The following OSBPL6 variants were observed in gnomAD, a reference collection of about 807,000 sequenced individuals.
OSBPL6 encodes the protein oxysterol-binding protein-related protein 6.
A neutral mutation model predicts 125.8 loss-of-function variants in OSBPL6; 49 were observed. The observed-to-expected ratio is 0.39, with a 90% confidence interval of 0.31 to 0.49. The LOEUF is 0.49. OSBPL6 is among the 20% of genes least tolerant of loss of function. OSBPL6 has a pLI of 0.88. For missense variants in OSBPL6, 986 were observed against 1,135.4 expected, an observed-to-expected ratio of 0.87 and a Z score of 1.89; for synonymous variants, 394 against 391.8, an observed-to-expected ratio of 1.01 and a Z score of -0.07.
chr2:178,315,304 A>G (rs942059965), intron 3 of OSBPL6, among the ~76,000 whole-genome samples: 1 of 152,182 alleles, frequency 6.6e-6, no homozygotes, highest in Non-Finnish European at 1.5e-5. Flanking sequence ...GTACATGTTC[A>G]GTCCATGTCA....
rs1466756606 is a variant in OSBPL6 at position 178,402,508 on chromosome 2, G to A, written c.*6949G>A. 1 of 152,126 alleles carries A rather than the reference G, an allele frequency of 6.6e-6. No individual in the cohort carries two copies. Among genetic ancestry groups the A allele is most frequent in the African/African-American group, 2.4e-5 (1 of 41,410 alleles). The allele number at this position is 152,126 out of a possible 1,614,324, so 9.4% of individuals were successfully genotyped here. A position where few individuals can be genotyped will look rare whatever the true frequency, so the allele number is the denominator to read the frequency against. ...ACACTCTTGATCACCTACTTAACAA[G>A]AAGGTCTAGCAGGACATTCTTGATC... is the stretch of plus-strand genomic sequence containing the variant. On this transcript the variant is annotated 3_prime_UTR_variant, in exon 25 of 25. Coordinates refer to ENST00000190611, the MANE Select transcript of OSBPL6 (RefSeq NM_032523.4).
intron 1 of OSBPL6, among the ~76,000 whole-genome samples, chr2:178,248,222 T>G (rs776734834): frequency 2.6e-5 from 4 of 152,256 alleles, no homozygotes; most frequent in Non-Finnish European, 4.4e-5. Context: ...AGTCCCATCT[T>G]ATGAAGTTTA....
chr2:178,210,888 C>T (rs1428119320), intron 1 of OSBPL6, among the ~76,000 whole-genome samples: 1 of 151,544 alleles, frequency 6.6e-6, no homozygotes, highest in Non-Finnish European at 1.5e-5. Context: ...GGGACAAGGA[C>T]AGGGGTAGAG....
chr2:178,268,867 G>A (rs1044684043), intron 1 of OSBPL6, among the ~76,000 whole-genome samples: 2 of 151,792 alleles, frequency 1.3e-5, no homozygotes, highest in Non-Finnish European at 2.9e-5. Context: ...CAAGTGACAC[G>A]CCTGCCCATT....
chr2:178,258,883 G>C (rs1559171581), intron 1 of OSBPL6, among the ~76,000 whole-genome samples: 1 of 151,466 alleles, frequency 6.6e-6, no homozygotes, highest in Non-Finnish European at 1.5e-5. Flanking sequence ...GTAAACGTCT[G>C]GTTTTTTTTA....
At chr2:178,203,644 A>AT (rs2089373456) in intron 1 of OSBPL6, among the ~76,000 whole-genome samples, 1 of 152,098 alleles carries the variant, frequency 6.6e-6, no homozygotes, top group Non-Finnish European at 1.5e-5. Context: ...AATATTGGGA[A>AT]TTTTACCTTG....
intron 12 of OSBPL6, among the ~76,000 whole-genome samples, chr2:178,353,416 C>A (rs985233750): frequency 1.3e-5 from 2 of 152,162 alleles, no homozygotes; most frequent in African/African-American, 4.8e-5. Context: ...CCTGATGGAG[C>A]TGAAAACCAT....
At chr2:178,198,334 G>A (rs373837044) in intron 1 of OSBPL6, among the ~76,000 whole-genome samples, 2 of 151,528 alleles carry the variant, frequency 1.3e-5, no homozygotes, top group African/African-American at 2.4e-5. Flanking sequence ...ACAGAATCTC[G>A]CTCTGTCGCC....
rs60399092 is a variant in OSBPL6, at chr2:178,380,456, CAAAAAAAAA to C, written c.1534-1943_1534-1935del. ...TGGGCAGCAGAGTAAGAGTCTGTCTCAAAAAAAAAAAAAAAAAAAAAAAAAAAAAGTGAT... is the reference window on the plus strand; with the variant it reads ...TGGGCAGCAGAGTAAGAGTCTGTCTCAAAAAAAAAAAAAAAAAAAAGTGAT... On this transcript the variant is annotated intron_variant, in intron 15 of 24. Coordinates refer to ENST00000190611, the MANE Select transcript of OSBPL6 (RefSeq NM_032523.4). 2.7e-3 allele frequency among the ~76,000 whole-genome samples: 69 copies of C among 25,984 alleles called. No homozygotes were observed. In the East Asian group the frequency reaches 0.034, roughly 13 times the overall value. 17.0% of individuals were successfully genotyped at this position (25,984 alleles called of 152,430 possible).
At chr2:178,317,436 C>CTATATATA (rs1687840036) in intron 3 of OSBPL6, among the ~76,000 whole-genome samples, 1 of 59,886 alleles carries the variant, frequency 1.7e-5, no homozygotes, top group Non-Finnish European at 3.0e-5. Flanking sequence ...AACTTAGACA[C>CTATATATA]CATATATATA....
At chr2:178,205,745 C>T (rs1375073090) in intron 1 of OSBPL6, among the ~76,000 whole-genome samples, 1 of 152,112 alleles carries the variant, frequency 6.6e-6, no homozygotes, top group Non-Finnish European at 1.5e-5. Flanking sequence ...CATGTAGTCA[C>T]TTATTGAAAC....
chr2:178,267,383 A>C (rs1480775220), intron 1 of OSBPL6, among the ~76,000 whole-genome samples: 7 of 150,926 alleles, frequency 4.6e-5, no homozygotes, highest in Admixed American at 4.6e-4. Flanking sequence ...AAACAAAACA[A>C]GGTTTATCAT....
chr2:178,363,178 A>G (rs1692508721), intron 13 of OSBPL6, among the ~76,000 whole-genome samples: 3 of 152,172 alleles, frequency 2.0e-5, no homozygotes, highest in African/African-American at 7.2e-5. Context: ...ACTAAGAAAA[A>G]CAAGAAAATG....
chr2:178,317,579 T>C (rs888500405), intron 3 of OSBPL6, among the ~76,000 whole-genome samples: 1 of 150,324 alleles, frequency 6.7e-6, no homozygotes. Flanking sequence ...AAATATAAGA[T>C]CTGATATCAA....
chr2:178,358,939 G>A (rs56366027), intron 12 of OSBPL6, among the ~76,000 whole-genome samples: 37,503 of 151,932 alleles, frequency 0.25, 4,878 homozygotes, highest in Admixed American at 0.38. Flanking sequence ...GGAAGAAAAC[G>A]TATAACCTTT....
intron 1 of OSBPL6, among the ~76,000 whole-genome samples, chr2:178,263,338 C>T (rs1255564003): frequency 3.3e-5 from 5 of 152,130 alleles, no homozygotes; most frequent in Admixed American, 1.3e-4. Flanking sequence ...ATTAGCTGGG[C>T]GTGGTGACAC....
chr2:178,290,104 T>C (rs1000283182), intron 2 of OSBPL6, among the ~76,000 whole-genome samples: 2 of 152,022 alleles, frequency 1.3e-5, no homozygotes, highest in Non-Finnish European at 2.9e-5. Flanking sequence ...CTGAATACAT[T>C]ATGTCATTAG....
At chr2:178,225,241 TAA>T (rs572870964) in intron 1 of OSBPL6, among the ~76,000 whole-genome samples, 5 of 138,068 alleles carry the variant, frequency 3.6e-5, no homozygotes, top group Non-Finnish European at 3.2e-5. Flanking sequence ...CCCATTACTT[TAA>T]AAAAAAAAAA....
chr2:178,317,465 TATATATATATATATAG>T (rs1559237633), intron 3 of OSBPL6, among the ~76,000 whole-genome samples: 2 of 99,288 alleles, frequency 2.0e-5, no homozygotes, highest in Admixed American at 2.0e-4. Context: ...TATATATATA[TATATATATATATATAG>T]AATAATTATT....
Sources: allele counts gnomAD v4.1 joint callset (sites outside exome capture counted in the v4.1 genomes callset), GRCh38; gene constraint gnomAD v4.1.1; transcripts MANE v1.5; gene names NCBI Gene and HGNC (gene_info 2026-07-23, HGNC 2026-07-21).